The following PLCE1 variants were observed in gnomAD, a reference collection of about 807,000 sequenced individuals.
PLCE1 encodes the protein phospholipase C epsilon 1.
PLCE1 carries 119 observed loss-of-function variants against 242.8 expected under a neutral mutation model. The observed-to-expected ratio is 0.49, with a 90% CI of 0.42 to 0.57. The LOEUF is 0.57. PLCE1 is among the 20% of genes least tolerant of loss of function. PLCE1 has a pLI of 0.00. For synonymous variants in PLCE1, 945 were observed against 1,017.4 expected (o/e 0.93, Z 1.35); for missense variants, 2,441 against 2,788.8 (o/e 0.88, Z 2.81).
intron 2 of PLCE1, among the ~76,000 whole-genome samples, chr10:94,075,082 C>G (rs965231277): frequency 6.6e-6 from 1 of 152,144 alleles, no homozygotes; most frequent in African/African-American, 2.4e-5. Flanking sequence ...TATTATCTTT[C>G]AAGAACTAAC....
In PLCE1 at chr10:94,308,809, T is replaced by A. The variant is rs145634979; in HGVS notation, c.6003+110T>A. The stretch of plus-strand genomic sequence containing the variant: ...GTGTGAGTTATTAATTAGGTAGCTA[T>A]GGAAATTAATAACAATAATGGCTGA... On this transcript the variant is annotated intron_variant, in intron 27 of 32. Coordinates refer to ENST00000371380, the MANE Select transcript of PLCE1 (RefSeq NM_016341.4). 384 of 785,732 alleles carry A rather than the reference T, an allele frequency of 4.9e-4. 1 individual carries two copies. The East Asian group carries it at 9.2e-3, about 19-fold the overall frequency. The allele number at this position is 785,732 out of a possible 1,614,324, so 48.7% of individuals were successfully genotyped here. A position where few individuals can be genotyped will look rare whatever the true frequency, so the allele number is the denominator to read the frequency against.
chr10:94,118,396 C>G (rs1352514006), intron 2 of PLCE1, among the ~76,000 whole-genome samples: 1 of 152,022 alleles, frequency 6.6e-6, no homozygotes, highest in South Asian at 2.1e-4. Flanking sequence ...TAATCCTAGC[C>G]CTGAACATAG....
intron 32 of PLCE1, among the ~76,000 whole-genome samples, chr10:94,326,375 T>G (rs950029623): frequency 6.6e-6 from 1 of 152,220 alleles, no homozygotes; most frequent in African/African-American, 2.4e-5. Context: ...TTTCCACATT[T>G]AAAGAGCAAC....
At chr10:94,083,382 C>G (rs1167111152) in intron 2 of PLCE1, among the ~76,000 whole-genome samples, 3 of 152,106 alleles carry the variant, frequency 2.0e-5, no homozygotes, top group Non-Finnish European at 4.4e-5. Context: ...TTTCATCAGC[C>G]CATTTTTTTG....
chr10:94,305,885 A>G (rs2053183379), intron 25 of PLCE1, among the ~76,000 whole-genome samples: 1 of 152,120 alleles, frequency 6.6e-6, no homozygotes, highest in African/African-American at 2.4e-5. Flanking sequence ...GAACATTTTG[A>G]TAGTTGAAAG....
intron 2 of PLCE1, among the ~76,000 whole-genome samples, chr10:94,117,345 C>A (rs2046163928): frequency 1.3e-5 from 2 of 152,164 alleles, no homozygotes; most frequent in South Asian, 2.1e-4. Context: ...AGAGATGTGG[C>A]CCCAGCAAGT....
chr10:94,218,986 T>C (rs2049629386), intron 4 of PLCE1, among the ~76,000 whole-genome samples: 1 of 147,718 alleles, frequency 6.8e-6, no homozygotes, highest in Non-Finnish European at 1.5e-5. Context: ...ATTATAGTTA[T>C]ATATAAATAA....
At chr10:94,121,293 G>T (rs1449824857) in intron 2 of PLCE1, among the ~76,000 whole-genome samples, 1 of 152,198 alleles carries the variant, frequency 6.6e-6, no homozygotes, top group Non-Finnish European at 1.5e-5. Flanking sequence ...GAGGGCAGAG[G>T]TTGGCCAGCC....
chr10:94,248,132 C>T (rs1216942761), intron 8 of PLCE1, among the ~76,000 whole-genome samples: 1 of 151,784 alleles, frequency 6.6e-6, no homozygotes, highest in Non-Finnish European at 1.5e-5. Flanking sequence ...TTAGACAAGG[C>T]ACATGTAATG....
At chr10:94,109,365 G>A (rs2045870707) in intron 2 of PLCE1, among the ~76,000 whole-genome samples, 1 of 152,116 alleles carries the variant, frequency 6.6e-6, no homozygotes, top group African/African-American at 2.4e-5. Flanking sequence ...ATAAATACCT[G>A]AGATAAAAAG....
At chr10:94,253,618 G>A (rs1248811778) in intron 9 of PLCE1, among the ~76,000 whole-genome samples, 2 of 152,118 alleles carry the variant, frequency 1.3e-5, no homozygotes, top group South Asian at 2.1e-4. Context: ...GCCTCCCAAA[G>A]TGTTGGGATT....
At chr10:94,096,044 C>T (rs956387643) in intron 2 of PLCE1, among the ~76,000 whole-genome samples, 31 of 152,214 alleles carry the variant, frequency 2.0e-4, no homozygotes, top group Admixed American at 2.0e-3. Flanking sequence ...TTATTTGGGC[C>T]GTGACTTCAT....
rs142012546 is a variant in PLCE1 at position 94,324,326 on chromosome 10, G to A, written c.6502-23G>A. The stretch of plus-strand genomic sequence containing the variant: ...GTTGGAGATTCTGTGTCTTTATTCA[G>A]TTGATCATAACTTACCTTTCAGACC... On this transcript the variant is annotated intron_variant, in intron 30 of 32. Coordinates refer to ENST00000371380, the MANE Select transcript of PLCE1 (RefSeq NM_016341.4). 3 of 1,573,684 alleles carry A rather than the reference G, an allele frequency of 1.9e-6. No individual in the cohort carries two copies. In the African/African-American group the frequency reaches 4.1e-5, roughly 21 times the overall value.
chr10:94,290,377 T>A (rs1274524110), intron 22 of PLCE1, among the ~76,000 whole-genome samples: 8 of 151,686 alleles, frequency 5.3e-5, no homozygotes, highest in African/African-American at 1.7e-4. Flanking sequence ...CCAAAGACAT[T>A]TTCTTTCTTT....
chr10:94,328,309 TG>T lies in PLCE1; in HGVS notation c.*367del. The T allele has an allele frequency of 5.1e-6, 1 of 194,818 alleles. No individual in the cohort carries two copies. The highest frequency in any genetic ancestry group is 1.1e-5 in the Non-Finnish European group (1 of 91,376). The allele number at this position is 194,818 out of a possible 1,614,324, so 12.1% of individuals were successfully genotyped here. On this transcript the variant is annotated 3_prime_UTR_variant, in exon 33 of 33. Coordinates refer to ENST00000371380, the MANE Select transcript of PLCE1 (RefSeq NM_016341.4). ...TGTTGCAACCACCCAATTCTGCCAT[TG>T]TAGTGCAAAAGCAGCCATAGACAAC... is the stretch of plus-strand genomic sequence containing the variant.
At chr10:94,151,868 G>C (rs1010239821) in intron 3 of PLCE1, among the ~76,000 whole-genome samples, 3 of 152,144 alleles carry the variant, frequency 2.0e-5, no homozygotes, top group African/African-American at 7.2e-5. Context: ...TGATTTTAAT[G>C]CACCCAGTGA....
chr10:94,075,515 C>G (rs1159848011), intron 2 of PLCE1, among the ~76,000 whole-genome samples: 1 of 152,202 alleles, frequency 6.6e-6, no homozygotes, highest in East Asian at 1.9e-4. Context: ...CTACTGCTGA[C>G]TTCTACTGAC....
At chr10:94,107,562 T>C (rs1453942766) in intron 2 of PLCE1, 1 of 152,094 alleles carries the variant, frequency 6.6e-6, no homozygotes, top group East Asian at 1.9e-4. Context: ...CAAATGGGGC[T>C]AGTAAACAGT....
rs916985261 is a variant in PLCE1 at position 94,030,966 on chromosome 10, T to A, written c.-81T>A. Reference sequence around the variant, plus strand: ...TGTGTATCTGAGATTGTTGTAATAATCAGTCATTTTATTAAAACCTTGACA... The same window carrying A: ...TGTGTATCTGAGATTGTTGTAATAAACAGTCATTTTATTAAAACCTTGACA... On this transcript the variant is annotated 5_prime_UTR_variant, in exon 2 of 33. Coordinates refer to ENST00000371380, the MANE Select transcript of PLCE1 (RefSeq NM_016341.4). 3 of 1,333,722 alleles carry A rather than the reference T, an allele frequency of 2.2e-6. No individual in the cohort carries two copies. In the African/African-American group the frequency reaches 4.3e-5, roughly 19 times the overall value. The allele number at this position is 1,333,722 out of a possible 1,614,324, so 82.6% of individuals were successfully genotyped here.
Sources: allele counts gnomAD v4.1 joint callset (sites outside exome capture counted in the v4.1 genomes callset), GRCh38; gene constraint gnomAD v4.1.1; transcripts MANE v1.5; gene names NCBI Gene and HGNC (gene_info 2026-07-23, HGNC 2026-07-21).